Variants in LGR4 observed in about 807,000 individuals in gnomAD.
LGR4 encodes leucine rich repeat containing G protein-coupled receptor 4.
Under a neutral mutation model 84.8 loss-of-function variants are expected in LGR4, and 44 were observed. The observed-to-expected ratio is 0.52, with a 90% CI of 0.41 to 0.67. LGR4 has a LOEUF of 0.67. Ranked by LOEUF, LGR4 falls within the 30% of genes least tolerant of loss-of-function variation. The pLI is 0.00. For missense variants in LGR4, 1,032 were observed against 1,131.4 expected, an observed-to-expected ratio of 0.91 and a Z score of 1.26; for synonymous variants, 429 against 434.3, an observed-to-expected ratio of 0.99 and a Z score of 0.15.
chr11:27,463,678 C>T (rs920974598), intron 1 of LGR4, among the ~76,000 whole-genome samples: 2 of 151,822 alleles, frequency 1.3e-5, no homozygotes, highest in South Asian at 2.1e-4. Flanking sequence ...CCCAGCTACT[C>T]GGGAGGCTGA....
chr11:27,416,150 G>A (rs1008917381), intron 1 of LGR4, among the ~76,000 whole-genome samples: 23 of 152,226 alleles, frequency 1.5e-4, no homozygotes, highest in Non-Finnish European at 3.1e-4. Flanking sequence ...TTCTGGGATA[G>A]AAAACCAAAT....
Position 27,401,686 on chromosome 11 carries a change from C to T in LGR4, c.258-9168G>A, listed in dbSNP as rs372023606. Among the ~76,000 whole-genome samples, 21 of 152,190 alleles carry T rather than the reference C, an allele frequency of 1.4e-4. No individual in the cohort carries two copies. In the East Asian group the frequency reaches 1.9e-3, roughly 14 times the overall value. On this transcript the variant is annotated intron_variant, in intron 2 of 17. Transcript: ENST00000379214. ...TTAATCACAAACTTCAACAGAATTCCGTTTTTATATAGACTGATAAGGTTT... is the reference window on the plus strand; with the variant it reads ...TTAATCACAAACTTCAACAGAATTCTGTTTTTATATAGACTGATAAGGTTT...
intron 11 of LGR4, 75 bp from the exon 12 acceptor site, chr11:27,377,298 G>A (rs10835171): frequency 0.35 from 255,486 of 730,996 alleles, 47,053 homozygotes; most frequent in East Asian, 0.56. Context: ...ACTCAGAAGC[G>A]TTGAAAGCAG....
intron 2 of LGR4, among the ~76,000 whole-genome samples, chr11:27,401,683 T>C (rs532160899): frequency 6.6e-6 from 1 of 152,306 alleles, no homozygotes; most frequent in East Asian, 1.9e-4. Context: ...TTCAACAGAA[T>C]TCCGTTTTTA....
At chr11:27,370,961 AC>A (rs1420383788) in intron 17 of LGR4, among the ~76,000 whole-genome samples, 57 of 152,366 alleles carry the variant, frequency 3.7e-4, no homozygotes, top group Non-Finnish European at 1.3e-4. Flanking sequence ...TAAAATACAT[AC>A]GCAGCCCCTT....
chr11:27,408,932 T>C (rs1863660684), intron 2 of LGR4, among the ~76,000 whole-genome samples: 1 of 152,122 alleles, frequency 6.6e-6, no homozygotes, highest in Non-Finnish European at 1.5e-5. Context: ...TTCAGAACCT[T>C]TCATGTACTG....
At chr11:27,407,820 G>C (rs562710822) in intron 2 of LGR4, among the ~76,000 whole-genome samples, 1 of 151,956 alleles carries the variant, frequency 6.6e-6, no homozygotes. Flanking sequence ...TTGTGTTTCT[G>C]GACTACACAC....
At chr11:27,453,592 C>G (rs554417567) in intron 1 of LGR4, among the ~76,000 whole-genome samples, 11 of 152,006 alleles carry the variant, frequency 7.2e-5, no homozygotes, top group African/African-American at 2.7e-4. Flanking sequence ...TAATCCCCCA[C>G]CCCCCTGCCA....
intron 1 of LGR4, among the ~76,000 whole-genome samples, chr11:27,455,517 T>C (rs1864559324): frequency 6.6e-6 from 1 of 152,212 alleles, no homozygotes; most frequent in South Asian, 2.1e-4. Context: ...GCTTTCCCCA[T>C]GGAACGACAT....
chr11:27,404,227 T>A (rs1410796805), intron 2 of LGR4, among the ~76,000 whole-genome samples: 2 of 152,218 alleles, frequency 1.3e-5, no homozygotes, highest in African/African-American at 4.8e-5. Flanking sequence ...TGGAACCCCA[T>A]GCCAAACACT....
In LGR4 at chr11:27,472,427, C is replaced by A; in HGVS notation, c.-125G>T. 2.8e-6 allele frequency: 2 copies of A among 702,210 alleles called. No homozygotes were observed. Among genetic ancestry groups the A allele is most frequent in the South Asian group, 1.4e-4 (2 of 14,120 alleles). 43.5% of individuals were successfully genotyped at this position (702,210 alleles called of 1,614,324 possible). A position where few individuals can be genotyped will look rare whatever the true frequency, so the allele number is the denominator to read the frequency against. ...GAGCGGGGGTCTCTTCCTCGGCGGT[C>A]CGCGCGGGCTCGGCCCCTTCAGCAG... On this transcript the variant is annotated 5_prime_UTR_variant, in exon 1 of 18. Transcript: ENST00000379214.
chr11:27,386,419 A>G (rs1161727904), intron 4 of LGR4, among the ~76,000 whole-genome samples: 1 of 152,230 alleles, frequency 6.6e-6, no homozygotes. Context: ...TTGTTGATGT[A>G]TCTTCATTAC....
rs1310068048 is a variant in LGR4 at position 27,380,898 on chromosome 11, G to C, written c.827C>G (p.Thr276Ser). ...GAFDGNPLLR[T>S]IHLYDNPLSF... ...AGAAACTTTCAAAAATACTTACATA[G>C]TTCTTAAGAGTGGATTACCATCAAA... Residue 276 changes from threonine to serine, a missense_variant, in exon 8 of 18, where the codon ACT (threonine) becomes AGT (serine). Coordinates refer to ENST00000379214, the MANE Select transcript of LGR4 (RefSeq NM_018490.5). 14 of 1,523,886 alleles carry C rather than the reference G, an allele frequency of 9.2e-6. No homozygotes were observed. The highest frequency in any genetic ancestry group is 1.3e-5 in the Non-Finnish European group (14 of 1,098,666). 94.4% of individuals were successfully genotyped at this position (1,523,886 alleles called of 1,614,324 possible).
chr11:27,387,282 G>A (rs997377861), intron 4 of LGR4, among the ~76,000 whole-genome samples: 3 of 152,092 alleles, frequency 2.0e-5, no homozygotes, highest in Non-Finnish European at 4.4e-5. Context: ...CATTCCAGTG[G>A]CGGAGGTAAC....
chr11:27,419,643 T>C (rs1018502098), intron 1 of LGR4, among the ~76,000 whole-genome samples: 3 of 147,788 alleles, frequency 2.0e-5, no homozygotes, highest in Non-Finnish European at 4.5e-5. Context: ...TATAATTATA[T>C]ATATACACAT....
chr11:27,411,742 G>A (rs1216795072), intron 2 of LGR4, among the ~76,000 whole-genome samples: 2 of 152,118 alleles, frequency 1.3e-5, no homozygotes, highest in Middle Eastern at 6.3e-3. Context: ...ACTAAGTAGT[G>A]TGGGAAGAAA....
intron 1 of LGR4, among the ~76,000 whole-genome samples, chr11:27,464,510 T>C (rs1864741609): frequency 6.6e-6 from 1 of 152,306 alleles, no homozygotes; most frequent in African/African-American, 2.4e-5. Flanking sequence ...ACAGCTCTAA[T>C]AAAACTCTTT....
At chr11:27,410,668 T>C (rs1003847324) in intron 2 of LGR4, among the ~76,000 whole-genome samples, 1 of 152,142 alleles carries the variant, frequency 6.6e-6, no homozygotes, top group Non-Finnish European at 1.5e-5. Context: ...TTCTCTTGAG[T>C]GCCTACAGTA....
intron 6 of LGR4, 123 bp downstream of exon 6, chr11:27,384,213 G>A (rs1278705234): frequency 4.6e-6 from 3 of 656,462 alleles, no homozygotes; most frequent in Non-Finnish European, 8.0e-6. Flanking sequence ...ATTTAATCCA[G>A]TATCAAAGTG....
Sources: gnomAD v4.1 joint callset for allele counts (sites outside exome capture counted in the v4.1 genomes callset) on GRCh38, gnomAD v4.1.1 for gene constraint, MANE v1.5 for transcripts, NCBI Gene and HGNC (gene_info 2026-07-23, HGNC 2026-07-21) for gene names.